Variants in NELL1 observed in about 807,000 individuals in gnomAD.
The protein encoded by NELL1 is neural EGFL like 1.
Under a neutral mutation model 107.4 loss-of-function variants are expected in NELL1, and 76 were observed. The observed-to-expected ratio is 0.71, with a 90% CI of 0.59 to 0.86. The LOEUF is 0.86. Among genes scored for constraint, NELL1 ranks in the 40% least tolerant of loss-of-function variants. The probability of loss-of-function intolerance (pLI) is 0.00; values close to 1 mark genes in which losing one functional copy is unlikely to be tolerated. For missense variants in NELL1, 1,024 were observed against 1,005.5 expected (o/e 1.02, Z -0.25); for synonymous variants, 353 against 341.2 (o/e 1.03, Z -0.38).
rs190393802 is a variant in NELL1, at chr11:21,260,774, T to C, written c.1549+31320T>C. 2.6e-5 allele frequency: 4 copies of C among 152,032 alleles called. No homozygotes were observed. In the East Asian group the frequency reaches 7.8e-4, roughly 30 times the overall value. 9.4% of individuals were successfully genotyped at this position (152,032 alleles called of 1,614,324 possible). A position where few individuals can be genotyped will look rare whatever the true frequency, so the allele number is the denominator to read the frequency against. ...TACTGAAGAAGAATAAATTTTAACT[T>C]ATACTCATATTGGCTTTACAAATAT... is the stretch of plus-strand genomic sequence containing the variant. On this transcript the variant is annotated intron_variant, in intron 14 of 19. Coordinates refer to ENST00000357134, the MANE Select transcript of NELL1 (RefSeq NM_006157.5).
chr11:21,296,596 T>C (rs1254160286), intron 14 of NELL1, among the ~76,000 whole-genome samples: 1 of 151,904 alleles, frequency 6.6e-6, no homozygotes, highest in Non-Finnish European at 1.5e-5. Flanking sequence ...AGATCACAAA[T>C]ACAGACCTAT....
chr11:21,474,064 C>T (rs894988014), intron 15 of NELL1, among the ~76,000 whole-genome samples: 2 of 152,056 alleles, frequency 1.3e-5, no homozygotes, highest in Admixed American at 1.3e-4. Flanking sequence ...TTCACTGACA[C>T]TAAGATGTGA....
At chr11:21,024,194 C>T (rs563688983) in intron 12 of NELL1, among the ~76,000 whole-genome samples, 11 of 152,224 alleles carry the variant, frequency 7.2e-5, no homozygotes, top group East Asian at 3.9e-4. Context: ...GCACTGGTTT[C>T]GTTCATTTAT....
chr11:21,011,241 C>T (rs188436121), intron 12 of NELL1, among the ~76,000 whole-genome samples: 1 of 152,162 alleles, frequency 6.6e-6, no homozygotes, highest in East Asian at 1.9e-4. Context: ...CTGGTCTAGC[C>T]CAGAGTTATT....
At chr11:21,321,196 C>T (rs1850001847) in intron 14 of NELL1, among the ~76,000 whole-genome samples, 1 of 152,154 alleles carries the variant, frequency 6.6e-6, no homozygotes, top group African/African-American at 2.4e-5. Flanking sequence ...ATGCTGTCTC[C>T]CAGGAGATTT....
intron 5 of NELL1, among the ~76,000 whole-genome samples, chr11:20,897,904 A>G (rs1849783567): frequency 6.6e-6 from 1 of 152,210 alleles, no homozygotes; most frequent in Non-Finnish European, 1.5e-5. Flanking sequence ...CGATCATTAA[A>G]AAGTCAGGAA....
At chr11:20,865,825 C>T (rs1002007901) in intron 4 of NELL1, among the ~76,000 whole-genome samples, 1 of 152,132 alleles carries the variant, frequency 6.6e-6, no homozygotes, top group East Asian at 1.9e-4. Context: ...GTAAACAATG[C>T]CGTTTAATCT....
At chr11:21,308,694 C>T (rs1042066300) in intron 14 of NELL1, among the ~76,000 whole-genome samples, 1 of 151,992 alleles carries the variant, frequency 6.6e-6, no homozygotes, top group South Asian at 2.1e-4. Context: ...ACTATCAATT[C>T]TTCAACTTTA....
At chr11:20,921,801 T>G (rs1405584891) in intron 7 of NELL1, among the ~76,000 whole-genome samples, 1 of 150,532 alleles carries the variant, frequency 6.6e-6, no homozygotes, top group African/African-American at 2.4e-5. Flanking sequence ...TGTGTGTGTT[T>G]TTTTTTTTTT....
At chr11:20,942,674 A>G (rs1043047765) in intron 10 of NELL1, among the ~76,000 whole-genome samples, 12 of 152,164 alleles carry the variant, frequency 7.9e-5, no homozygotes, top group Non-Finnish European at 1.5e-4. Flanking sequence ...TGAATTTAAG[A>G]CAGATACCAT....
rs755546089 is a variant in NELL1 at position 20,669,805 on chromosome 11, G to A, written c.55+27G>A. On this transcript the variant is annotated intron_variant, in intron 1 of 19. Coordinates refer to ENST00000357134, the MANE Select transcript of NELL1 (RefSeq NM_006157.5). The surrounding 1 kb of genome is among the most constrained non-coding windows in gnomAD (Gnocchi z 4.4). ...TAAGCATGACTGTGGCGGTTAGAGGGATCCGGGAAATGGGGGTGCCCACAG... is the reference window on the plus strand; with the variant it reads ...TAAGCATGACTGTGGCGGTTAGAGGAATCCGGGAAATGGGGGTGCCCACAG... 8.7e-6 allele frequency: 14 copies of A among 1,604,576 alleles called. No individual in the cohort carries two copies. The East Asian group carries it at 3.1e-4, about 36-fold the overall frequency.
intron 15 of NELL1, among the ~76,000 whole-genome samples, chr11:21,429,370 G>A (rs990384301): frequency 1.3e-5 from 2 of 152,136 alleles, no homozygotes; most frequent in African/African-American, 2.4e-5. Context: ...AATCAATCAA[G>A]GGCTTGAACC....
intron 14 of NELL1, among the ~76,000 whole-genome samples, chr11:21,338,698 C>T (rs200720184): frequency 1.7e-4 from 26 of 150,982 alleles, no homozygotes; most frequent in African/African-American, 6.3e-4. Context: ...CAAACATTTC[C>T]TTTTTTTTTG....
At chr11:20,962,728 C>T (rs890867018) in intron 12 of NELL1, among the ~76,000 whole-genome samples, 1 of 152,198 alleles carries the variant, frequency 6.6e-6, no homozygotes, top group African/African-American at 2.4e-5. Flanking sequence ...TTTTCTTGGG[C>T]ATGCTCCTGT....
Position 21,347,781 on chromosome 11 carries a change from G to T in NELL1, c.1550-23072G>T, listed in dbSNP as rs558932506. Among the ~76,000 whole-genome samples the T allele has an allele frequency of 5.3e-5, 8 of 152,160 alleles. No homozygotes were observed. The East Asian group carries it at 1.5e-3, about 29-fold the overall frequency. ...TTTAGTCACCCTTCTTGAAAGTTTG[G>T]AGCTGAGTCAAGTGCAGATTTTTCC... On this transcript the variant is annotated intron_variant, in intron 14 of 19. Transcript: ENST00000357134.
intron 16 of NELL1, among the ~76,000 whole-genome samples, chr11:21,546,514 G>A: frequency 6.6e-6 from 1 of 151,940 alleles, no homozygotes; most frequent in East Asian, 1.9e-4. Context: ...ACTGAATCAT[G>A]GGGGAGGGTT....
At chr11:20,984,835 C>T (rs982142073) in intron 12 of NELL1, among the ~76,000 whole-genome samples, 16 of 152,144 alleles carry the variant, frequency 1.1e-4, no homozygotes, top group African/African-American at 3.1e-4. Flanking sequence ...TCGCTTTGGT[C>T]GCTAAGACTA....
At chr11:21,098,276 C>T (rs1304532045) in intron 12 of NELL1, among the ~76,000 whole-genome samples, 7 of 152,320 alleles carry the variant, frequency 4.6e-5, no homozygotes, top group Middle Eastern at 3.4e-3. Flanking sequence ...TCTTGTGTCA[C>T]GACCTTTTCT....
intron 7 of NELL1, among the ~76,000 whole-genome samples, chr11:20,922,513 T>G (rs1850401669): frequency 6.6e-6 from 1 of 152,190 alleles, no homozygotes; most frequent in South Asian, 2.1e-4. Flanking sequence ...TCAGGCAAAC[T>G]TGAAGTTGAA....
Sources: allele counts gnomAD v4.1 joint callset (sites outside exome capture counted in the v4.1 genomes callset), GRCh38; gene constraint gnomAD v4.1.1; non-coding constraint Gnocchi (gnomAD v3.1); transcripts MANE v1.5; gene names NCBI Gene and HGNC (gene_info 2026-07-23, HGNC 2026-07-21).